ADAMTSL3: variants seen among roughly 807,000 people sequenced by gnomAD.
ADAMTSL3 encodes ADAMTS-like protein 3.
Under a neutral mutation model 201.7 loss-of-function variants are expected in ADAMTSL3, and 128 were observed. The ratio of observed to expected loss-of-function variants is 0.63; its 90% CI spans 0.55 to 0.73. The LOEUF is 0.73. Ranked by LOEUF, ADAMTSL3 falls within the 30% of genes least tolerant of loss-of-function variation. The pLI, the probability that ADAMTSL3 is intolerant of heterozygous loss-of-function variation, is 0.00. For missense variants in ADAMTSL3, 1,990 were observed against 2,119.6 expected (o/e 0.94, Z 1.20); for synonymous variants, 738 against 748.4 (o/e 0.99, Z 0.23).
chr15:83,816,128 T>C (rs2063766796), intron 5 of ADAMTSL3, among the ~76,000 whole-genome samples: 1 of 152,242 alleles, frequency 6.6e-6, no homozygotes, highest in Non-Finnish European at 1.5e-5. Context: ...TATTCCTATT[T>C]AAATGCATAG....
Position 83,884,338 on chromosome 15 carries a change from C to CT in ADAMTSL3, c.961-741dup, listed in dbSNP as rs35308485. On this transcript the variant is annotated intron_variant, in intron 9 of 29. Transcript: ENST00000286744. ...TGTTACCTCATTGGTGCCCTATTTCCTTTTTTTTTTTTTTTTTTTTTTGAG... is the reference window on the plus strand; with the variant it reads ...TGTTACCTCATTGGTGCCCTATTTCCTTTTTTTTTTTTTTTTTTTTTTTGAG... Among the ~76,000 whole-genome samples the CT allele has an allele frequency of 4.8e-3, 551 of 114,420 alleles. 3 individuals carry two copies. The highest frequency in any genetic ancestry group is 7.1e-3 in the Non-Finnish European group (406 of 57,320). 75.1% of individuals were successfully genotyped at this position (114,420 alleles called of 152,430 possible). A position where few individuals can be genotyped will look rare whatever the true frequency, so the allele number is the denominator to read the frequency against.
intron 4 of ADAMTSL3, among the ~76,000 whole-genome samples, chr15:83,787,118 C>A (rs2063277183): frequency 6.6e-6 from 1 of 152,090 alleles, no homozygotes. Context: ...CTTTTGAGTC[C>A]TCATTTCTTC....
chr15:83,687,300 A>G, intron 2 of ADAMTSL3, among the ~76,000 whole-genome samples: 1 of 152,388 alleles, frequency 6.6e-6, no homozygotes, highest in Non-Finnish European at 1.5e-5. Flanking sequence ...ATATTATTTC[A>G]ACATGTAATC....
intron 19 of ADAMTSL3, among the ~76,000 whole-genome samples, chr15:83,956,700 C>T (rs2066869360): frequency 6.6e-6 from 1 of 151,078 alleles, no homozygotes; most frequent in South Asian, 2.1e-4. Flanking sequence ...CACACACACA[C>T]ATAACCTGAA....
At chr15:83,683,835 C>A (rs923852173) in intron 2 of ADAMTSL3, among the ~76,000 whole-genome samples, 15 of 152,216 alleles carry the variant, frequency 9.9e-5, no homozygotes, top group African/African-American at 3.6e-4. Context: ...CATATAGGAG[C>A]TGCTATTGTT....
chr15:83,822,010 C>A (rs71408818), intron 6 of ADAMTSL3, among the ~76,000 whole-genome samples: 2 of 132,444 alleles, frequency 1.5e-5, no homozygotes, highest in Admixed American at 7.4e-5. Context: ...TGACCTCCCC[C>A]ACCTCCCTCC....
chr15:84,036,278 G>C (rs2068503710), intron 28 of ADAMTSL3, among the ~76,000 whole-genome samples: 3 of 152,102 alleles, frequency 2.0e-5, no homozygotes, highest in Admixed American at 2.0e-4. Flanking sequence ...TGCAAGTCTT[G>C]GTGTGACCTA....
At chr15:83,988,913 G>T (rs1410274201) in intron 22 of ADAMTSL3, 95 bp downstream of exon 22, 1 of 747,632 alleles carries the variant, frequency 1.3e-6, no homozygotes, top group East Asian at 8.6e-5. Flanking sequence ...ACAGAGTCTC[G>T]CTCTGTCGCC....
At chr15:83,796,616 T>A (rs1246720785) in intron 4 of ADAMTSL3, among the ~76,000 whole-genome samples, 1 of 152,092 alleles carries the variant, frequency 6.6e-6, no homozygotes, top group Non-Finnish European at 1.5e-5. Flanking sequence ...CATATAGGAG[T>A]GCAAAGAAAT....
At chr15:83,955,936 T>C (rs866449422) in intron 19 of ADAMTSL3, among the ~76,000 whole-genome samples, 2 of 152,098 alleles carry the variant, frequency 1.3e-5, no homozygotes, top group South Asian at 4.2e-4. Flanking sequence ...GGTGTGTCAC[T>C]AGGTCACACA....
intron 6 of ADAMTSL3, among the ~76,000 whole-genome samples, chr15:83,822,247 T>TGCCGGGCGGAGGG: frequency 8.7e-5 from 12 of 138,414 alleles, no homozygotes; most frequent in Non-Finnish European, 1.7e-4. Context: ...ACGGGGTGGC[T>TGCCGGGCGGAGGG]GCTGGGCGGA....
intron 20 of ADAMTSL3, among the ~76,000 whole-genome samples, chr15:83,979,226 C>T (rs1277025271): frequency 6.6e-6 from 1 of 152,236 alleles, no homozygotes; most frequent in African/African-American, 2.4e-5. Context: ...AACAATCGAT[C>T]TCCACATATT....
Position 84,023,778 on chromosome 15 carries a change from A to G in ADAMTSL3, c.4458-1460A>G, listed in dbSNP as rs146071158. On this transcript the variant is annotated intron_variant, in intron 26 of 29. Coordinates refer to ENST00000286744, the MANE Select transcript of ADAMTSL3 (RefSeq NM_207517.3). ...ATACCTAGAAGAGACCATAGAGATC[A>G]TCTAATCCCAGATCCCTCTACATCA... 5.8e-4 allele frequency among the ~76,000 whole-genome samples: 88 copies of G among 152,354 alleles called. 1 individual carries two copies. In the East Asian group the frequency reaches 0.017, roughly 29 times the overall value.
At chr15:83,750,768 T>G (rs575470819) in intron 3 of ADAMTSL3, among the ~76,000 whole-genome samples, 1 of 152,302 alleles carries the variant, frequency 6.6e-6, no homozygotes, top group Non-Finnish European at 1.5e-5. Context: ...GCTAGGATGG[T>G]CTCGATCTCT....
At chr15:84,004,922 A>T (rs1012015578) in intron 23 of ADAMTSL3, among the ~76,000 whole-genome samples, 10 of 152,216 alleles carry the variant, frequency 6.6e-5, no homozygotes, top group Admixed American at 6.5e-4. Context: ...GGGCTGGAGG[A>T]TAGCTGTTCT....
chr15:84,033,959 G>T (rs145717525), intron 28 of ADAMTSL3, among the ~76,000 whole-genome samples: 1 of 152,158 alleles, frequency 6.6e-6, no homozygotes, highest in African/African-American at 2.4e-5. Context: ...TTTTAATAAT[G>T]GAAGAAAATT....
chr15:83,971,024 A>G (rs570720850), intron 20 of ADAMTSL3, among the ~76,000 whole-genome samples: 1 of 152,298 alleles, frequency 6.6e-6, no homozygotes, highest in South Asian at 2.1e-4. Flanking sequence ...ACGTATTTTT[A>G]AGCATTCAAG....
At chr15:83,800,483 G>T (rs2063499961) in intron 4 of ADAMTSL3, among the ~76,000 whole-genome samples, 1 of 152,136 alleles carries the variant, frequency 6.6e-6, no homozygotes, top group Admixed American at 6.5e-5. Context: ...CTGAAGGCCT[G>T]AGACACAGCC....
At chr15:83,771,072 A>C (rs1324615003) in intron 3 of ADAMTSL3, among the ~76,000 whole-genome samples, 1 of 152,162 alleles carries the variant, frequency 6.6e-6, no homozygotes, top group African/African-American at 2.4e-5. Context: ...CTCTATGTCA[A>C]AAACAAAACA....
Sources: allele counts gnomAD v4.1 joint callset (sites outside exome capture counted in the v4.1 genomes callset), GRCh38; gene constraint gnomAD v4.1.1; transcripts MANE v1.5; gene names NCBI Gene and HGNC (gene_info 2026-07-23, HGNC 2026-07-21).